IMMP2L: variants seen among roughly 807,000 people sequenced by gnomAD.
The protein encoded by IMMP2L is inner mitochondrial membrane peptidase subunit 2, also known as mitochondrial inner membrane protease subunit 2.
In IMMP2L, 18 loss-of-function variants were observed where a neutral mutation model predicts 19.3. The observed-to-expected ratio is 0.93, with a 90% CI of 0.64 to 1.38. The LOEUF (loss-of-function observed/expected upper bound fraction) is 1.38, where lower values mean the gene tolerates loss of function less well. Among genes scored for constraint, IMMP2L ranks in the 40% most tolerant of loss-of-function variants. The pLI, the probability that IMMP2L is intolerant of heterozygous loss-of-function variation, is 0.00. For missense variants in IMMP2L, 233 were observed against 218.2 expected (o/e 1.07, Z -0.43); for synonymous variants, 76 against 73.0 (o/e 1.04, Z -0.21).
Position 110,959,400 on chromosome 7 carries a change from C to T in IMMP2L, c.305+4100G>A, listed in dbSNP as rs1818698011. Among the ~76,000 whole-genome samples the T allele has an allele frequency of 2.0e-5, 3 of 151,832 alleles. No homozygotes were observed. The South Asian group carries it at 6.2e-4, about 32-fold the overall frequency. On this transcript the variant is annotated intron_variant, in intron 4 of 5. Coordinates refer to ENST00000405709, the MANE Select transcript of IMMP2L (RefSeq NM_032549.4). Reference sequence around the variant, plus strand: ...TATTTTTATAATTTTTTAATATACTCTGGCATTTTAAAAAAATTGAGTCAC... The same window carrying T: ...TATTTTTATAATTTTTTAATATACTTTGGCATTTTAAAAAAATTGAGTCAC...
chr7:111,346,942 G>A (rs955768552), intron 3 of IMMP2L, among the ~76,000 whole-genome samples: 1 of 152,004 alleles, frequency 6.6e-6, no homozygotes, highest in African/African-American at 2.4e-5. Context: ...TCATAGAGAT[G>A]CTGGCAAAAT....
chr7:110,991,185 T>G (rs986232251), intron 3 of IMMP2L, among the ~76,000 whole-genome samples: 2 of 152,100 alleles, frequency 1.3e-5, no homozygotes, highest in Non-Finnish European at 2.9e-5. Context: ...GAAAATATTA[T>G]AGCCTTGACA....
At chr7:111,110,989 T>G (rs575138733) in intron 3 of IMMP2L, among the ~76,000 whole-genome samples, 1 of 152,280 alleles carries the variant, frequency 6.6e-6, no homozygotes, top group South Asian at 2.1e-4. Context: ...TATAACATAA[T>G]ATAAAACCAT....
intron 3 of IMMP2L, among the ~76,000 whole-genome samples, chr7:111,425,711 T>C (rs1446192740): frequency 1.3e-5 from 2 of 151,172 alleles, no homozygotes; most frequent in Non-Finnish European, 3.0e-5. Context: ...AAAATCCTTT[T>C]AATTTTCAAA....
chr7:111,502,379 T>C (rs1844375508), intron 2 of IMMP2L, among the ~76,000 whole-genome samples: 1 of 152,124 alleles, frequency 6.6e-6, no homozygotes, highest in African/African-American at 2.4e-5. Context: ...TGGGAGACTT[T>C]AACACCCCGC....
chr7:110,683,710 A>G (rs1323274099), intron 5 of IMMP2L, among the ~76,000 whole-genome samples: 1 of 152,150 alleles, frequency 6.6e-6, no homozygotes, highest in African/African-American at 2.4e-5. Flanking sequence ...TATTGGTCCA[A>G]TGTCAGTCCT....
At chr7:110,823,151 A>G (rs1803185150) in intron 5 of IMMP2L, among the ~76,000 whole-genome samples, 1 of 152,112 alleles carries the variant, frequency 6.6e-6, no homozygotes, top group South Asian at 2.1e-4. Context: ...CTAACTCATT[A>G]ATAAAAGAAA....
chr7:110,901,266 C>T (rs1811835654), intron 4 of IMMP2L, among the ~76,000 whole-genome samples: 1 of 151,978 alleles, frequency 6.6e-6, no homozygotes, highest in African/African-American at 2.4e-5. Flanking sequence ...TTCCTGATTC[C>T]TAAAACTGTG....
intron 3 of IMMP2L, among the ~76,000 whole-genome samples, chr7:111,339,065 T>G (rs1826752615): frequency 6.6e-6 from 1 of 152,048 alleles, no homozygotes; most frequent in Admixed American, 6.6e-5. Flanking sequence ...ACAAAGGAAA[T>G]TGCTAACAAA....
intron 3 of IMMP2L, among the ~76,000 whole-genome samples, chr7:111,437,401 C>T (rs1044860909): frequency 4.0e-5 from 6 of 151,788 alleles, no homozygotes; most frequent in Admixed American, 6.6e-5. Context: ...GCCGAGATCA[C>T]GCCCATTGCC....
At chr7:110,669,819 C>A (rs1019934442) in intron 5 of IMMP2L, among the ~76,000 whole-genome samples, 17 of 152,152 alleles carry the variant, frequency 1.1e-4, no homozygotes, top group African/African-American at 4.1e-4. Context: ...AAATGAAACA[C>A]TTCTGGCAGT....
At chr7:111,433,136 A>G (rs1358623763) in intron 3 of IMMP2L, among the ~76,000 whole-genome samples, 2 of 151,798 alleles carry the variant, frequency 1.3e-5, no homozygotes, top group Middle Eastern at 3.4e-3. Flanking sequence ...GATACTTACA[A>G]TCATGGCAGA....
At chr7:110,883,044 T>G (rs1809852559) in intron 5 of IMMP2L, among the ~76,000 whole-genome samples, 1 of 152,158 alleles carries the variant, frequency 6.6e-6, no homozygotes, top group Non-Finnish European at 1.5e-5. Context: ...AAAGTTTACT[T>G]TTTCTCCTTT....
At chr7:111,358,204 C>T (rs1828907700) in intron 3 of IMMP2L, among the ~76,000 whole-genome samples, 2 of 150,168 alleles carry the variant, frequency 1.3e-5, no homozygotes, top group African/African-American at 2.5e-5. Context: ...TACTCTTTCA[C>T]GTTTCCTCAC....
intron 1 of IMMP2L, among the ~76,000 whole-genome samples, chr7:111,539,132 A>G (rs945944442): frequency 0.01 from 621 of 61,610 alleles, 21 homozygotes; most frequent in African/African-American, 0.038. Flanking sequence ...AAAGAAAAGA[A>G]AAGGAAGGAA....
At chr7:111,059,883 C>T (rs1311314506) in intron 3 of IMMP2L, among the ~76,000 whole-genome samples, 1 of 148,592 alleles carries the variant, frequency 6.7e-6, no homozygotes, top group African/African-American at 2.5e-5. Flanking sequence ...TTTGACTTTA[C>T]AGCATATGGT....
intron 5 of IMMP2L, among the ~76,000 whole-genome samples, chr7:110,720,460 G>C (rs1026177647): frequency 1.3e-5 from 2 of 152,058 alleles, no homozygotes; most frequent in Admixed American, 1.3e-4. Context: ...AAATGAAACT[G>C]TTCACCACCC....
intron 4 of IMMP2L, chr7:110,962,647 A>AGTGG (rs1330727195): frequency 6.5e-6 from 5 of 767,786 alleles, no homozygotes; most frequent in Middle Eastern, 6.4e-4. Context: ...ATAGGCCCCC[A>AGTGG]GTGGGGATCC....
At chr7:110,820,322 A>G (rs941647094) in intron 5 of IMMP2L, among the ~76,000 whole-genome samples, 5 of 152,086 alleles carry the variant, frequency 3.3e-5, no homozygotes, top group African/African-American at 1.2e-4. Flanking sequence ...CTAATGTTCA[A>G]TAACTTTACC....
Sources: allele counts gnomAD v4.1 joint callset (sites outside exome capture counted in the v4.1 genomes callset), GRCh38; gene constraint gnomAD v4.1.1; transcripts MANE v1.5; gene names NCBI Gene and HGNC (gene_info 2026-07-23, HGNC 2026-07-21).